Variants in NDUFA13 observed in about 807,000 individuals in gnomAD.
The protein encoded by NDUFA13 is NADH dehydrogenase [ubiquinone] 1 alpha subcomplex subunit 13.
A neutral mutation model predicts 17.0 loss-of-function variants in NDUFA13; 16 were observed. That is an observed-to-expected ratio of 0.94 (90% CI 0.64 to 1.43). NDUFA13 has a LOEUF of 1.43. Among genes scored for constraint, NDUFA13 ranks in the 40% most tolerant of loss-of-function variants. The probability of loss-of-function intolerance (pLI) is 0.00; values close to 1 mark genes in which losing one functional copy is unlikely to be tolerated. For synonymous variants in NDUFA13, 87 were observed against 78.4 expected, an observed-to-expected ratio of 1.11 and a Z score of -0.58; for missense variants, 228 against 206.7, an observed-to-expected ratio of 1.10 and a Z score of -0.63.
In NDUFA13 at chr19:19,528,073, C is replaced by T. The variant is rs529360602; in HGVS notation, c.382C>T (p.Arg128Cys). 27 of 1,611,768 alleles carry T rather than the reference C, an allele frequency of 1.7e-5. No homozygotes were observed. The highest frequency in any genetic ancestry group is 3.3e-5 in the Admixed American group (2 of 59,940). The change falls in exon 5 of 5, where the codon CGC (arginine) becomes TGC (cysteine). Residue 128 changes from arginine to cysteine, a missense_variant. Transcript: ENST00000507754. ...PPLIGELYGL[R>C]TTEEALHASH... ...CTTGATCGGGGAGCTGTACGGGCTG[C>T]GCACCACAGAGGAGGCTCTCCATGC...
chr19:19,522,477 C>CTTTTTTTTTTTTTTTTTTT lies in NDUFA13; in HGVS notation c.95-3704_95-3686dup, dbSNP rs3067694. On this transcript the variant is annotated intron_variant, in intron 1 of 4. Coordinates refer to ENST00000507754, the MANE Select transcript of NDUFA13 (RefSeq NM_015965.7). ...AGCTCTTACGCTTAGGTCTTTGATCCTTTTTTTTTTTTTTTTTTTGAGATG... is the reference window on the plus strand; with the variant it reads ...AGCTCTTACGCTTAGGTCTTTGATCCTTTTTTTTTTTTTTTTTTTTTTTTTTTTTTTTTTTTTTGAGATG... 1.8e-4 allele frequency among the ~76,000 whole-genome samples: 17 copies of CTTTTTTTTTTTTTTTTTTT among 95,010 alleles called. 1 individual carries two copies. Among genetic ancestry groups the CTTTTTTTTTTTTTTTTTTT allele is most frequent in the South Asian group, 4.2e-4 (1 of 2,406 alleles). 62.3% of individuals were successfully genotyped at this position (95,010 alleles called of 152,430 possible).
intron 1 of NDUFA13, among the ~76,000 whole-genome samples, chr19:19,521,547 G>C (rs1025154431): frequency 1.3e-5 from 2 of 152,388 alleles, no homozygotes; most frequent in African/African-American, 2.4e-5. Context: ...ATGTCTGTCT[G>C]TGAGAAACGT....
At chr19:19,518,143 T>G (rs778454248) in intron 1 of NDUFA13, among the ~76,000 whole-genome samples, 2 of 151,616 alleles carry the variant, frequency 1.3e-5, no homozygotes, top group Non-Finnish European at 2.9e-5. Flanking sequence ...AAAAGAGGCT[T>G]CAGGCTAGAT....
intron 2 of NDUFA13, 111 bp from the exon 3 acceptor site, chr19:19,527,170 G>GC (rs1449172632): frequency 1.5e-5 from 4 of 266,500 alleles, no homozygotes; most frequent in South Asian, 9.3e-5. Context: ...CTGCCTCCCC[G>GC]CCCCCCTCCG....
At chr19:19,516,756 A>G (rs941532389) in intron 1 of NDUFA13, among the ~76,000 whole-genome samples, 9 of 152,226 alleles carry the variant, frequency 5.9e-5, no homozygotes, top group South Asian at 2.1e-4. Context: ...CCCCGCCTGC[A>G]TGGTGTCACA....
At chr19:19,527,200 C>T (rs889542299) in intron 2 of NDUFA13, 81 bp from the exon 3 acceptor site, 14 of 1,486,610 alleles carry the variant, frequency 9.4e-6, no homozygotes, top group Non-Finnish European at 7.5e-6. Context: ...CCAGCAGCAC[C>T]CTGGCCCCTG....
chr19:19,522,206 G>A (rs1368591259), intron 1 of NDUFA13, among the ~76,000 whole-genome samples: 5 of 151,966 alleles, frequency 3.3e-5, no homozygotes, highest in Admixed American at 6.5e-5. Context: ...TCAGGAGGCT[G>A]AGGCAGGAGA....
chr19:19,526,584 G>T, intron 2 of NDUFA13: 1 of 401,372 alleles, frequency 2.5e-6, no homozygotes, highest in Non-Finnish European at 4.8e-6. Flanking sequence ...AGTGAGGAGG[G>T]TTGGGACCCG....
intron 4 of NDUFA13, 45 bp downstream of exon 4, chr19:19,527,815 CAG>C (rs759781489): frequency 2.6e-6 from 4 of 1,536,154 alleles, no homozygotes; most frequent in African/African-American, 2.8e-5. Flanking sequence ...ACGGCAGAGA[CAG>C]GGCCTGGGGT....
intron 1 of NDUFA13, among the ~76,000 whole-genome samples, chr19:19,517,228 G>A (rs7252888): frequency 0.19 from 28,867 of 151,348 alleles, 2,965 homozygotes; most frequent in South Asian, 0.34. Flanking sequence ...TAATCTAAGA[G>A]TGAATACATA....
rs145850991 is a variant in NDUFA13 at position 19,527,317 on chromosome 19, G to C, written c.210G>C (p.Ala70=). ...LQIEDFEARI[A]LLPLLQAETD... is the part of the protein sequence containing the mutation. ...TCGAGGACTTCGAGGCTCGCATCGC[G>C]CTGTTGCCACTGTTACAGGCAGAAA... The change falls in exon 3 of 5, where the codon GCG becomes GCC. Residue 70 remains alanine, a synonymous_variant. Transcript: ENST00000507754. 137 of 1,613,836 alleles carry C rather than the reference G, an allele frequency of 8.5e-5. No individual in the cohort carries two copies. The highest frequency in any genetic ancestry group is 1.1e-5 in the Non-Finnish European group (13 of 1,180,030).
rs556610872 is a variant in NDUFA13 at position 19,516,748 on chromosome 19, C to T, written c.94+416C>T. On this transcript the variant is annotated intron_variant, in intron 1 of 4. Transcript: ENST00000507754. ...TGCAGTGGTTCCCTGCTGGCAGCCC[C>T]CGCCTGCATGGTGTCACAGGAATCC... 2.6e-5 allele frequency among the ~76,000 whole-genome samples: 4 copies of T among 152,338 alleles called. No individual in the cohort carries two copies. In the South Asian group the frequency reaches 6.2e-4, roughly 24 times the overall value.
intron 4 of NDUFA13, 74 bp downstream of exon 4, chr19:19,527,844 C>T (rs1419499769): frequency 6.6e-7 from 1 of 1,509,280 alleles, no homozygotes; most frequent in Non-Finnish European, 9.0e-7. Context: ...GCTCCCACAG[C>T]TTTCTATAGA....
intron 1 of NDUFA13, 38 bp from the exon 2 acceptor site, chr19:19,526,144 G>C: frequency 6.2e-7 from 1 of 1,608,652 alleles, no homozygotes; most frequent in Non-Finnish European, 8.5e-7. Context: ...GGGTGTCTGG[G>C]GGCGGGCTGG....
At chr19:19,526,736 C>T in intron 2 of NDUFA13, 1 of 292,820 alleles carries the variant, frequency 3.4e-6, no homozygotes, top group South Asian at 3.2e-5. Flanking sequence ...CCAGGCGCCC[C>T]CCTCTCCCTG....
At chr19:19,519,388 C>T (rs1296499765) in intron 1 of NDUFA13, among the ~76,000 whole-genome samples, 2 of 152,190 alleles carry the variant, frequency 1.3e-5, no homozygotes, top group Non-Finnish European at 2.9e-5. Flanking sequence ...TCCCAGTTCA[C>T]CACAGAGCAG....
intron 1 of NDUFA13, among the ~76,000 whole-genome samples, chr19:19,522,195 C>T (rs551820463): frequency 1.4e-4 from 22 of 151,898 alleles, no homozygotes; most frequent in African/African-American, 4.8e-4. Context: ...GTCCCAGCTA[C>T]TCAGGAGGCT....
rs1253621094 is a variant in NDUFA13 at position 19,528,000 on chromosome 19, C to G, written c.316-7C>G. The G allele has an allele frequency of 6.2e-7, 1 of 1,612,596 alleles. No individual in the cohort carries two copies. Among genetic ancestry groups the G allele is most frequent in the South Asian group, 1.1e-5 (1 of 90,994 alleles). On this transcript the variant is annotated splice_region_variant and splice_polypyrimidine_tract_variant and intron_variant, in intron 4 of 4. Transcript: ENST00000507754. ...GTGCCTCTACCCATACCCCACTGTCCCCACAGGTGGGGGAGTCTGTGTTCC... is the reference window on the plus strand; with the variant it reads ...GTGCCTCTACCCATACCCCACTGTCGCCACAGGTGGGGGAGTCTGTGTTCC...
chr19:19,517,942 C>G (rs2061057793), intron 1 of NDUFA13, among the ~76,000 whole-genome samples: 1 of 152,110 alleles, frequency 6.6e-6, no homozygotes, highest in South Asian at 2.1e-4. Flanking sequence ...CTGAGACAAC[C>G]ATTTACAAAT....
Sources: allele counts gnomAD v4.1 joint callset (sites outside exome capture counted in the v4.1 genomes callset), GRCh38; gene constraint gnomAD v4.1.1; transcripts MANE v1.5; gene names NCBI Gene and HGNC (gene_info 2026-07-23, HGNC 2026-07-21).